NSRP1: variants seen among roughly 807,000 people sequenced by gnomAD.
NSRP1 encodes the protein nuclear speckle splicing regulatory protein 1.
A neutral mutation model predicts 54.7 loss-of-function variants in NSRP1; 24 were observed. The ratio of observed to expected loss-of-function variants is 0.44; its 90% CI spans 0.32 to 0.62. The LOEUF is 0.62. NSRP1 is among the 20% of genes least tolerant of loss of function. The pLI, the probability that NSRP1 is intolerant of heterozygous loss-of-function variation, is 0.06. For synonymous variants in NSRP1, 210 were observed against 213.8 expected (o/e 0.98, Z 0.15); for missense variants, 596 against 651.2 (o/e 0.92, Z 0.92).
At chr17:30,139,623 C>T (rs921658093) in intron 2 of NSRP1, among the ~76,000 whole-genome samples, 27 of 151,940 alleles carry the variant, frequency 1.8e-4, no homozygotes, top group African/African-American at 6.5e-4. Flanking sequence ...TTTGCTCTCC[C>T]TCTTTTTTTT....
chr17:30,153,526 G>C (rs531676775), intron 2 of NSRP1, among the ~76,000 whole-genome samples: 1 of 151,932 alleles, frequency 6.6e-6, no homozygotes, highest in Non-Finnish European at 1.5e-5. Flanking sequence ...CTACCTTCTG[G>C]TTGTCTTCTC....
At chr17:30,131,928 G>A (rs957601035) in intron 2 of NSRP1, among the ~76,000 whole-genome samples, 5 of 152,126 alleles carry the variant, frequency 3.3e-5, no homozygotes, top group East Asian at 1.9e-4. Context: ...TGCTCACGTC[G>A]TCACCATGAG....
intron 2 of NSRP1, among the ~76,000 whole-genome samples, chr17:30,130,519 G>T (rs2071690173): frequency 6.6e-6 from 1 of 152,068 alleles, no homozygotes; most frequent in African/African-American, 2.4e-5. Flanking sequence ...AATAATGCTT[G>T]CCCATTGCTT....
At chr17:30,161,688 G>T (rs1904522367) in intron 2 of NSRP1, among the ~76,000 whole-genome samples, 1 of 152,102 alleles carries the variant, frequency 6.6e-6, no homozygotes, top group Non-Finnish European at 1.5e-5. Context: ...AATAAGACTT[G>T]TCAAAAATGA....
intron 1 of NSRP1, chr17:30,117,365 C>G: frequency 1.9e-6 from 1 of 515,208 alleles, no homozygotes; most frequent in South Asian, 3.0e-5. Context: ...TATACGTTGC[C>G]GCAAAAGAGA....
At chr17:30,128,917 TTG>T (rs943930619) in intron 2 of NSRP1, among the ~76,000 whole-genome samples, 1 of 151,770 alleles carries the variant, frequency 6.6e-6, no homozygotes, top group African/African-American at 2.4e-5. Context: ...AGTGGTTTTT[TTG>T]TTTTTTTTTT....
At position 30,178,057 on chromosome 17, in the gene NSRP1, A is replaced by G. The variant is rs765327149; in HGVS notation, c.172-14A>G. On this transcript the variant is annotated splice_polypyrimidine_tract_variant and intron_variant, in intron 3 of 6. Transcript: ENST00000247026. The stretch of plus-strand genomic sequence containing the variant: ...TGGCTCATATTTTTGAAACATGTTT[A>G]ATTTTTTTTTAAGACCAAACTGGAA... The G allele has an allele frequency of 6.2e-7, 1 of 1,611,580 alleles. No individual in the cohort carries two copies. The highest frequency in any genetic ancestry group is 8.5e-7 in the Non-Finnish European group (1 of 1,179,104).
At position 30,149,914 on chromosome 17, in the gene NSRP1, T is replaced by C. The variant is rs918619159; in HGVS notation, c.115-22628T>C. Among the ~76,000 whole-genome samples the C allele has an allele frequency of 5.3e-5, 8 of 152,238 alleles. No individual in the cohort carries two copies. The East Asian group carries it at 1.4e-3, about 26-fold the overall frequency. ...GAATTGTGCAGCCATCATCACTATT[T>C]TAGAATTTCATCACCCAGAGAGAAA... On this transcript the variant is annotated intron_variant, in intron 2 of 6. Coordinates refer to ENST00000247026, the MANE Select transcript of NSRP1 (RefSeq NM_032141.4).
chr17:30,122,379 ATATATATTTTTTTTTTTTTTTTTTTT>A (rs1385569963), intron 2 of NSRP1: 1 of 27,538 alleles, frequency 3.6e-5, no homozygotes, highest in Non-Finnish European at 7.1e-5. Flanking sequence ...ATATATATAT[ATATATATTTTTTTTTTTTTTTTTTTT>A]TTTTTTTTTT....
At position 30,116,834 on chromosome 17, in the gene NSRP1, C is replaced by T. The variant is rs1303433993; in HGVS notation, c.-10C>T. ...AGGCGTCGGCCACGTTCAGCGGACA[C>T]GGGAGCAAGATGGCGATTCCGGGCA... On this transcript the variant is annotated 5_prime_UTR_variant, in exon 1 of 7. It adds an upstream start codon to the 5' untranslated region. Coordinates refer to ENST00000247026, the MANE Select transcript of NSRP1 (RefSeq NM_032141.4). 4 of 1,573,550 alleles carry T rather than the reference C, an allele frequency of 2.5e-6. No individual in the cohort carries two copies. The highest frequency in any genetic ancestry group is 1.9e-5 in the Admixed American group (1 of 53,570).
intron 2 of NSRP1, among the ~76,000 whole-genome samples, chr17:30,118,549 T>G (rs985817128): frequency 1.2e-4 from 18 of 152,220 alleles, no homozygotes; most frequent in Non-Finnish European, 2.2e-4. Context: ...ATAACAGTTC[T>G]TAACAACGCT....
chr17:30,177,625 T>C (rs1049918085), intron 3 of NSRP1, among the ~76,000 whole-genome samples: 1 of 152,180 alleles, frequency 6.6e-6, no homozygotes, highest in African/African-American at 2.4e-5. Flanking sequence ...GTTTAATATA[T>C]AATACAGGCC....
chr17:30,143,992 A>T (rs192984653), intron 2 of NSRP1: 52 of 152,192 alleles, frequency 3.4e-4, no homozygotes, highest in African/African-American at 1.2e-3. Context: ...ATAATTTTTT[A>T]AAAATTATAA....
At chr17:30,171,968 ACACACTCC>A (rs1453075294) in intron 2 of NSRP1, among the ~76,000 whole-genome samples, 9 of 119,696 alleles carry the variant, frequency 7.5e-5, no homozygotes, top group African/African-American at 2.7e-4. Flanking sequence ...ACACACACAC[ACACACTCC>A]CTCTCTCTCT....
At chr17:30,129,091 A>G (rs1040715382) in intron 2 of NSRP1, among the ~76,000 whole-genome samples, 3 of 151,702 alleles carry the variant, frequency 2.0e-5, no homozygotes, top group African/African-American at 4.8e-5. Flanking sequence ...TGTATTTTCA[A>G]CTATTTTTTA....
intron 2 of NSRP1, among the ~76,000 whole-genome samples, chr17:30,136,952 C>A (rs1441740660): frequency 6.6e-6 from 1 of 152,064 alleles, no homozygotes; most frequent in East Asian, 1.9e-4. Context: ...CTAAACTCTT[C>A]TATTACTTGT....
chr17:30,130,698 A>G (rs939997821), intron 2 of NSRP1, among the ~76,000 whole-genome samples: 1 of 152,168 alleles, frequency 6.6e-6, no homozygotes, highest in African/African-American at 2.4e-5. Flanking sequence ...ATTGGCTTGG[A>G]CTACTGGAGA....
intron 3 of NSRP1, among the ~76,000 whole-genome samples, chr17:30,176,990 T>C (rs1905148305): frequency 6.6e-6 from 1 of 152,070 alleles, no homozygotes; most frequent in East Asian, 1.9e-4. Context: ...AATCTAGCAA[T>C]TGAGGAAAAA....
At chr17:30,147,116 CT>C (rs1481058001) in intron 2 of NSRP1, among the ~76,000 whole-genome samples, 2 of 144,912 alleles carry the variant, frequency 1.4e-5, no homozygotes, top group African/African-American at 2.5e-5. Context: ...TAGACTTTTT[CT>C]TTTTCTTTTC....
Sources: gnomAD v4.1 joint callset for allele counts (sites outside exome capture counted in the v4.1 genomes callset) on GRCh38, gnomAD v4.1.1 for gene constraint, MANE v1.5 for transcripts, NCBI Gene and HGNC (gene_info 2026-07-23, HGNC 2026-07-21) for gene names.